The following PSD variants were observed in gnomAD, a reference collection of about 807,000 sequenced individuals.
PSD encodes PH and SEC7 domain-containing protein 1.
A neutral mutation model predicts 91.6 loss-of-function variants in PSD; 32 were observed. That is an observed-to-expected ratio of 0.35 (90% CI 0.26 to 0.47). PSD has a LOEUF of 0.47. PSD is among the 20% of genes least tolerant of loss of function. The pLI is 1.00. For synonymous variants in PSD, 532 were observed against 569.3 expected (o/e 0.93, Z 0.93); for missense variants, 1,099 against 1,373.9 (o/e 0.80, Z 3.16).
Position 102,402,785 on chromosome 10 carries a change from G to A in PSD, c.*415C>T. 1 of 248,176 alleles carries A rather than the reference G, an allele frequency of 4.0e-6. No homozygotes were observed. The highest frequency in any genetic ancestry group is 7.1e-5 in the East Asian group (1 of 14,092). 15.4% of individuals were successfully genotyped at this position (248,176 alleles called of 1,614,324 possible). ...AAAGAGTAAGCCCTTGGGGAGGAAG[G>A]AGGGGAAACCAGCTCAGCCCCAAAT... On this transcript the variant is annotated 3_prime_UTR_variant, in exon 17 of 17. Transcript: ENST00000020673.
At position 102,403,858 on chromosome 10, in the gene PSD, G is replaced by A; in HGVS notation, c.2828C>T (p.Ala943Val). 1 of 1,611,056 alleles carries A rather than the reference G, an allele frequency of 6.2e-7. No individual in the cohort carries two copies. Among genetic ancestry groups the A allele is most frequent in the Non-Finnish European group, 8.5e-7 (1 of 1,178,728 alleles). The change falls in exon 16 of 17, where the codon GCC becomes GTC. Residue 943 changes from alanine to valine, a missense_variant. Around this residue, in one of 3 missense-constraint regions of PSD, gnomAD observed 358 missense variants for 426.5 expected, o/e 0.84. Transcript: ENST00000020673. The surrounding 1 kb of genome is among the most constrained non-coding windows in gnomAD (Gnocchi z 6.7). ...GAGGCTCACCTCAAACTCCAGGTAGGCCTCCTTCTGCCGCTGCTCTTCAGC... is the reference window on the plus strand; with the variant it reads ...GAGGCTCACCTCAAACTCCAGGTAGACCTCCTTCTGCCGCTGCTCTTCAGC... Reference protein sequence around the residue: ...KEAEEQRQKEAYLEFEKSRYS... With the variant: ...KEAEEQRQKEVYLEFEKSRYS...
intron 1 of PSD, among the ~76,000 whole-genome samples, chr10:102,418,204 C>T (rs930379183): frequency 6.6e-6 from 1 of 151,742 alleles, no homozygotes; most frequent in Non-Finnish European, 1.5e-5. Context: ...AAGACACACC[C>T]TCATGCACTC....
chr10:102,411,946 T>A (rs910383657), intron 7 of PSD, 127 bp from the exon 8 acceptor site: 3 of 893,074 alleles, frequency 3.4e-6, no homozygotes, highest in Non-Finnish European at 5.5e-6. Context: ...GGGATGAGGG[T>A]ATGCACCCTG....
At position 102,416,072 on chromosome 10, in the gene PSD, T is replaced by C. The variant is rs1373441081; in HGVS notation, c.702A>G (p.Arg234=). 6.2e-7 allele frequency: 1 copy of C among 1,613,930 alleles called. No homozygotes were observed. Among genetic ancestry groups the C allele is most frequent in the Admixed American group, 1.7e-5 (1 of 59,980 alleles). The change falls in exon 3 of 17, where the codon AGA becomes AGG. Residue 234 remains arginine (R), a synonymous_variant. Coordinates refer to ENST00000020673, the MANE Select transcript of PSD (RefSeq NM_002779.5). This position sits in a 1 kb window ranked among gnomAD's most constrained non-coding sequence, Gnocchi z 6.0. ...SPREVSSHAQ[R]IARAKWEFFY... is the part of the protein sequence containing the mutation. ...AGAATTCCCATTTGGCTCTAGCGAT[T>C]CTCTGGGCATGAGAGGAGACTTCCC...
At chr10:102,417,535 C>T (rs2061496080) in intron 1 of PSD, among the ~76,000 whole-genome samples, 1 of 151,960 alleles carries the variant, frequency 6.6e-6, no homozygotes, top group Non-Finnish European at 1.5e-5. Context: ...CTTATGGAGG[C>T]CCCTCACTCA....
At position 102,411,058 on chromosome 10, in the gene PSD, A is replaced by G. The variant is rs148263460; in HGVS notation, c.2001T>C (p.His667=). 1.9e-6 allele frequency: 3 copies of G among 1,612,942 alleles called. No homozygotes were observed. The highest frequency in any genetic ancestry group is 2.5e-6 in the Non-Finnish European group (3 of 1,179,160). Residue 667 remains histidine, a splice_region_variant and synonymous_variant, in exon 9 of 17, where the codon CAT becomes CAC. Transcript: ENST00000020673. The stretch of plus-strand genomic sequence containing the variant: ...CTCCTGCCCGCCCGCCTCCACTCAC[A>G]TGGCCGTGGAGATCCGTGTTGAGCA... The part of the protein sequence containing the change: ...LMLLNTDLHG[H]NIGKRMTCGD...
At position 102,418,733 on chromosome 10, in the gene PSD, A is replaced by G; in HGVS notation, c.-116T>C. 2.2e-6 allele frequency: 1 copy of G among 455,818 alleles called. No homozygotes were observed. The highest frequency in any genetic ancestry group is 1.5e-5 in the South Asian group (1 of 64,564). 28.2% of individuals were successfully genotyped at this position (455,818 alleles called of 1,614,324 possible). ...CGCCCAGAGCTGAGACCGAGGAGAG[A>G]CAGAGGAGAGGCTGGGCCCAGCTGA... On this transcript the variant is annotated 5_prime_UTR_variant, in exon 1 of 17. Coordinates refer to ENST00000020673, the MANE Select transcript of PSD (RefSeq NM_002779.5).
In PSD at chr10:102,404,716, T is replaced by C; in HGVS notation, c.2567A>G (p.Gln856Arg). 1 of 1,575,956 alleles carries C rather than the reference T, an allele frequency of 6.3e-7. No homozygotes were observed. The highest frequency in any genetic ancestry group is 8.6e-7 in the Non-Finnish European group (1 of 1,158,146). ...GATGCGAGTGATCCAGGACTGCATC[T>C]GCTCCAGGCTCCTGGGGAGAAAGCA... ...VFLFQAPSLE[Q>R]MQSWITRINV... The change falls in exon 15 of 17, where the codon CAG becomes CGG. Residue 856 changes from glutamine (Q) to arginine (R), a missense_variant. Transcript: ENST00000020673. This position sits in a 1 kb window ranked among gnomAD's most constrained non-coding sequence, Gnocchi z 5.7.
chr10:102,405,421 G>A lies in PSD; in HGVS notation c.2251C>T (p.Pro751Ser), dbSNP rs773125122. The A allele has an allele frequency of 4.0e-5, 64 of 1,613,484 alleles. No individual in the cohort carries two copies. The Middle Eastern group carries it at 1.5e-3, about 37-fold the overall frequency. Residue 751 changes from proline (P) to serine (S), a missense_variant, in exon 12 of 17, where the codon CCC becomes TCC. By Grantham distance (74) the Pro-to-Ser change is moderately conservative (BLOSUM62 -1). Coordinates refer to ENST00000020673, the MANE Select transcript of PSD (RefSeq NM_002779.5). This position sits in a 1 kb window ranked among gnomAD's most constrained non-coding sequence, Gnocchi z 5.4. Reference protein sequence around the residue: ...SGSSPFLDLTPEPGAAVYKHG... With the variant: ...SGSSPFLDLTSEPGAAVYKHG... The stretch of plus-strand genomic sequence containing the variant: ...TTGTAGACGGCAGCCCCAGGCTCGG[G>A]AGTCAGGTCCAGGAAAGGGCTGGAG...
chr10:102,416,629 G>A lies in PSD; in HGVS notation c.410C>T (p.Pro137Leu), dbSNP rs1208057253. Residue 137 changes from proline to leucine, a missense_variant, in exon 2 of 17, where the codon CCC becomes CTC. Transcript: ENST00000020673. The surrounding 1 kb of genome is among the most constrained non-coding windows in gnomAD (Gnocchi z 6.0). The part of the protein sequence containing the change: ...WDLGGVSPPR[P>L]TPALGPGSNR... ...GGAGCCAGGCCCAAGGGCTGGGGTG[G>A]GCCTGGGAGGAGAAACCCCACCCAG... The A allele has an allele frequency of 6.2e-7, 1 of 1,607,114 alleles. No individual in the cohort carries two copies. The highest frequency in any genetic ancestry group is 8.5e-7 in the Non-Finnish European group (1 of 1,176,896).
At position 102,409,133 on chromosome 10, in the gene PSD, C is replaced by T. The variant is rs917981495; in HGVS notation, c.2091+1725G>A. 2.0e-6 allele frequency: 2 copies of T among 980,952 alleles called. No individual in the cohort carries two copies. Among genetic ancestry groups the T allele is most frequent in the Non-Finnish European group, 2.4e-6 (2 of 828,362 alleles). The allele number at this position is 980,952 out of a possible 1,614,324, so 60.8% of individuals were successfully genotyped here. ...GCGCCGCGGCCCCCGGCCATGCCCC[C>T]GTCCGCCCTCGGCCCCCGGGCCGCC... On this transcript the variant is annotated intron_variant, in intron 10 of 16. Coordinates refer to ENST00000020673, the MANE Select transcript of PSD (RefSeq NM_002779.5). This position sits in a 1 kb window ranked among gnomAD's most constrained non-coding sequence, Gnocchi z 5.7.
rs547763890 is a variant in PSD at position 102,404,283 on chromosome 10, G to A, written c.2701-298C>T. On this transcript the variant is annotated intron_variant, in intron 15 of 16. Coordinates refer to ENST00000020673, the MANE Select transcript of PSD (RefSeq NM_002779.5). This position sits in a 1 kb window ranked among gnomAD's most constrained non-coding sequence, Gnocchi z 5.7. ...GAACGGCGTGAACCCGGGAGGCAGAGCTTGCAGTGAGCTGAGATCGTGCCA... is the reference window on the plus strand; with the variant it reads ...GAACGGCGTGAACCCGGGAGGCAGAACTTGCAGTGAGCTGAGATCGTGCCA... Among the ~76,000 whole-genome samples, 1 of 150,616 alleles carries A rather than the reference G, an allele frequency of 6.6e-6. No individual in the cohort carries two copies. The highest frequency in any genetic ancestry group is 1.5e-5 in the Non-Finnish European group (1 of 67,888).
intron 8 of PSD, among the ~76,000 whole-genome samples, 192 bp from the exon 9 acceptor site, chr10:102,411,308 C>T (rs2061422580): frequency 6.6e-6 from 1 of 152,270 alleles, no homozygotes; most frequent in Non-Finnish European, 1.5e-5. Context: ...TCCCTGGCTC[C>T]CTCAAGTACT....
chr10:102,406,556 G>A (rs989763893), intron 11 of PSD, among the ~76,000 whole-genome samples: 1 of 147,232 alleles, frequency 6.8e-6, no homozygotes, highest in Non-Finnish European at 1.5e-5. Flanking sequence ...CACCCAGGCT[G>A]GAGTGCAGTG....
rs774151281 is a variant in PSD, at chr10:102,415,029, T to G, written c.958A>C (p.Ser320Arg). Reference protein sequence around the residue: ...EADSAIESQPSSEGPPGTAYP... With the variant: ...EADSAIESQPRSEGPPGTAYP... The stretch of plus-strand genomic sequence containing the variant: ...GCAGTGCCTGGTGGGCCCTCAGAGC[T>G]GGGCTGACTTTCGATGGCCGAGTCG... Residue 320 changes from serine to arginine, a missense_variant, in exon 4 of 17, where the codon AGC becomes CGC. By Grantham distance (110) the Ser-to-Arg change is moderately radical (BLOSUM62 -1). Transcript: ENST00000020673. 6.2e-7 allele frequency: 1 copy of G among 1,613,680 alleles called. No individual in the cohort carries two copies. The highest frequency in any genetic ancestry group is 2.2e-5 in the East Asian group (1 of 44,890).
intron 1 of PSD, among the ~76,000 whole-genome samples, chr10:102,418,481 G>A (rs945206260): frequency 3.3e-5 from 5 of 152,058 alleles, no homozygotes; most frequent in South Asian, 4.1e-4. Context: ...GGTCTCTTGA[G>A]GGGAATCTGC....
intron 5 of PSD, 79 bp from the exon 6 acceptor site, chr10:102,412,654 A>G (rs1268861757): frequency 2.4e-6 from 3 of 1,244,714 alleles, no homozygotes; most frequent in Non-Finnish European, 2.2e-6. Context: ...CTCCAGGCCC[A>G]GAAGATGGAG....
Position 102,409,066 on chromosome 10 carries a change from G to A in PSD, c.2091+1792C>T. ...AGCGCGAGCGCAGCCGCCCGGCGCTGCTGTGGATGCTGTTGACGCCGATCA... is the reference window on the plus strand; with the variant it reads ...AGCGCGAGCGCAGCCGCCCGGCGCTACTGTGGATGCTGTTGACGCCGATCA... On this transcript the variant is annotated intron_variant, in intron 10 of 16. Coordinates refer to ENST00000020673, the MANE Select transcript of PSD (RefSeq NM_002779.5). The surrounding 1 kb of genome is among the most constrained non-coding windows in gnomAD (Gnocchi z 5.7). 2.0e-6 allele frequency: 2 copies of A among 985,436 alleles called. No individual in the cohort carries two copies. Among genetic ancestry groups the A allele is most frequent in the Non-Finnish European group, 2.4e-6 (2 of 829,826 alleles). 61.0% of individuals were successfully genotyped at this position (985,436 alleles called of 1,614,324 possible).
chr10:102,404,964 T>C lies in PSD; in HGVS notation c.2489A>G (p.Tyr830Cys). 1 of 1,614,066 alleles carries C rather than the reference T, an allele frequency of 6.2e-7. No individual in the cohort carries two copies. Among genetic ancestry groups the C allele is most frequent in the Non-Finnish European group, 8.5e-7 (1 of 1,179,994 alleles). Residue 830 changes from tyrosine to cysteine, a missense_variant, in exon 14 of 17, where the codon TAC becomes TGC. Around this residue, in one of 3 missense-constraint regions of PSD, gnomAD observed 358 missense variants for 426.5 expected, o/e 0.84. Transcript: ENST00000020673. This position sits in a 1 kb window ranked among gnomAD's most constrained non-coding sequence, Gnocchi z 5.7. ...HHALATRASD[Y>C]SKRPHVFYLR... is the part of the protein sequence containing the mutation. The stretch of plus-strand genomic sequence containing the variant: ...GTAGAAGACGTGGGGCCTCTTGCTG[T>C]AGTCACTGGCACGAGTGGCCAGGGC...
Sources: allele counts gnomAD v4.1 joint callset (sites outside exome capture counted in the v4.1 genomes callset), GRCh38; gene constraint gnomAD v4.1.1; regional missense constraint gnomAD v4.1.1; non-coding constraint Gnocchi (gnomAD v3.1); transcripts MANE v1.5; gene names NCBI Gene and HGNC (gene_info 2026-07-23, HGNC 2026-07-21).